The following TSPAN2 variants were observed in gnomAD, a reference collection of about 807,000 sequenced individuals.
TSPAN2 encodes tetraspanin 2, also known as tetraspanin-2.
TSPAN2 carries 24 observed loss-of-function variants against 33.3 expected under a neutral mutation model. The ratio of observed to expected loss-of-function variants is 0.72; its 90% CI spans 0.52 to 1.01. The LOEUF (loss-of-function observed/expected upper bound fraction) is 1.01, where lower values mean the gene tolerates loss of function less well. Among genes scored for constraint, TSPAN2 ranks in the 50% least tolerant of loss-of-function variants. TSPAN2 has a pLI of 0.00. For synonymous variants in TSPAN2, 114 were observed against 104.5 expected (o/e 1.09, Z -0.56); for missense variants, 278 against 281.3 (o/e 0.99, Z 0.08).
chr1:115,063,946 T>C (rs1647837024), intron 2 of TSPAN2, among the ~76,000 whole-genome samples: 1 of 152,086 alleles, frequency 6.6e-6, no homozygotes, highest in East Asian at 1.9e-4. Context: ...GGATACTATA[T>C]TCATTACCTC....
chr1:115,079,171 G>A (rs897510632), intron 1 of TSPAN2, among the ~76,000 whole-genome samples: 10 of 110,796 alleles, frequency 9.0e-5, no homozygotes, highest in Admixed American at 3.6e-4. Context: ...ACACACACGC[G>A]CATGCTGCAC....
chr1:115,052,343 G>T lies in TSPAN2; in HGVS notation c.600+1036C>A, dbSNP rs144768403. 3.8e-3 allele frequency among the ~76,000 whole-genome samples: 580 copies of T among 152,300 alleles called. 6 individuals carry two copies. The highest frequency in any genetic ancestry group is 0.013 in the African/African-American group (545 of 41,554). On this transcript the variant is annotated intron_variant, in intron 7 of 7. Coordinates refer to ENST00000369516, the MANE Select transcript of TSPAN2 (RefSeq NM_005725.6). ...CAGCCCTTGCCTTAGTTTAGGCCATGAATTAATCTACATAGAGGGCTAGAG... is the reference window on the plus strand; with the variant it reads ...CAGCCCTTGCCTTAGTTTAGGCCATTAATTAATCTACATAGAGGGCTAGAG...
intron 7 of TSPAN2, 41 bp from the exon 8 acceptor site, chr1:115,050,596 T>C (rs201564613): frequency 3.8e-6 from 6 of 1,561,318 alleles, no homozygotes. Flanking sequence ...TTGAAACGGG[T>C]ACTGATAGGT....
chr1:115,060,394 A>T, intron 4 of TSPAN2, 70 bp downstream of exon 4: 2 of 1,259,296 alleles, frequency 1.6e-6, no homozygotes, highest in South Asian at 2.6e-5. Context: ...GTTTCTTAAC[A>T]CTATTGTGGG....
chr1:115,071,415 G>A (rs1419078), intron 2 of TSPAN2, among the ~76,000 whole-genome samples: 56,911 of 152,052 alleles, frequency 0.37, 11,049 homozygotes, highest in South Asian at 0.55. Context: ...TCTTTTAAGG[G>A]GAGATGTCTA....
At chr1:115,051,683 T>G (rs1007517137) in intron 7 of TSPAN2, among the ~76,000 whole-genome samples, 1 of 152,190 alleles carries the variant, frequency 6.6e-6, no homozygotes, top group Non-Finnish European at 1.5e-5. Flanking sequence ...GACTAGGATC[T>G]GTAAGTGCTA....
intron 6 of TSPAN2, among the ~76,000 whole-genome samples, chr1:115,056,720 T>G (rs1030704902): frequency 6.6e-6 from 1 of 152,200 alleles, no homozygotes; most frequent in South Asian, 2.1e-4. Flanking sequence ...CTGGACCGTA[T>G]GGACTTCATG....
intron 2 of TSPAN2, among the ~76,000 whole-genome samples, chr1:115,066,658 T>C (rs981735330): frequency 2.0e-5 from 3 of 151,048 alleles, no homozygotes; most frequent in African/African-American, 7.3e-5. Context: ...GCAGATGGTT[T>C]TACATAATCT....
rs115846566 is a variant in TSPAN2, at chr1:115,063,547, C to T, written c.173-1315G>A. Among the ~76,000 whole-genome samples the T allele has an allele frequency of 6.5e-3, 997 of 152,292 alleles. 14 individuals are homozygous for T. The highest frequency in any genetic ancestry group is 0.022 in the African/African-American group (933 of 41,560). On this transcript the variant is annotated intron_variant, in intron 2 of 7. Coordinates refer to ENST00000369516, the MANE Select transcript of TSPAN2 (RefSeq NM_005725.6). ...AACTGAGTTGAACTACCACTCGACCCGGCAATCCCATTGCTGGGTAAATAC... is the reference window on the plus strand; with the variant it reads ...AACTGAGTTGAACTACCACTCGACCTGGCAATCCCATTGCTGGGTAAATAC...
At position 115,058,961 on chromosome 1, in the gene TSPAN2, G is replaced by A. The variant is rs891212069; in HGVS notation, c.366C>T (p.Thr122=). ...GKGVAIRHVQ[T]MYEEAYNDYL... The stretch of plus-strand genomic sequence containing the variant: ...AATCATTGTAAGCCTCTTCATACAT[G>A]GTCTGAACATGTCGGATAGCCTGAA... Residue 122 remains threonine, a synonymous_variant, in exon 5 of 8, where the codon ACC becomes ACT. Coordinates refer to ENST00000369516, the MANE Select transcript of TSPAN2 (RefSeq NM_005725.6). 1.9e-6 allele frequency: 3 copies of A among 1,613,650 alleles called. No individual in the cohort carries two copies. The African/African-American group carries it at 4.0e-5, about 22-fold the overall frequency.
In TSPAN2 at chr1:115,072,941, A is replaced by G. The variant is rs199774469; in HGVS notation, c.136T>C (p.Ser46Pro). The G allele has an allele frequency of 1.4e-5, 23 of 1,614,084 alleles. No homozygotes were observed. The highest frequency in any genetic ancestry group is 1.7e-5 in the Non-Finnish European group (20 of 1,180,034). The change falls in exon 2 of 8, where the codon TCA becomes CCA. Residue 46 changes from serine (S) to proline (P), a missense_variant. Physicochemically the swap from Ser to Pro is moderately conservative, Grantham distance 74. Coordinates refer to ENST00000369516, the MANE Select transcript of TSPAN2 (RefSeq NM_005725.6). The stretch of plus-strand genomic sequence containing the variant: ...TACTCTGGGGACTTGTCCTCTGATG[A>G]TAACTCCTTTATGGCACCTCCGAAC... ...FRFGGAIKEL[S>P]SEDKSPEYFY...
chr1:115,079,951 T>C (rs1031162818), intron 1 of TSPAN2, among the ~76,000 whole-genome samples: 1 of 152,230 alleles, frequency 6.6e-6, no homozygotes, highest in Non-Finnish European at 1.5e-5. Context: ...GAGTGTTCCA[T>C]TCATCTCTGC....
At chr1:115,078,467 G>A (rs1404151206) in intron 1 of TSPAN2, among the ~76,000 whole-genome samples, 2 of 152,174 alleles carry the variant, frequency 1.3e-5, no homozygotes, top group African/African-American at 4.8e-5. Context: ...CTAATTCCCA[G>A]TGTGAGGATA....
At chr1:115,060,093 C>T (rs1414904750) in intron 4 of TSPAN2, among the ~76,000 whole-genome samples, 1 of 152,166 alleles carries the variant, frequency 6.6e-6, no homozygotes, top group African/African-American at 2.4e-5. Context: ...CAGGCCAATC[C>T]TTAAGGACAA....
At chr1:115,070,155 G>A (rs186086917) in intron 2 of TSPAN2, among the ~76,000 whole-genome samples, 1 of 152,154 alleles carries the variant, frequency 6.6e-6, no homozygotes, top group African/African-American at 2.4e-5. Flanking sequence ...CTGTAACTCA[G>A]GTTTCCATCA....
At chr1:115,088,212 C>T (rs188634251) in intron 1 of TSPAN2, among the ~76,000 whole-genome samples, 1 of 152,294 alleles carries the variant, frequency 6.6e-6, no homozygotes, top group East Asian at 1.9e-4. Flanking sequence ...GTCACCCAGG[C>T]ATCTGGGCTA....
intron 3 of TSPAN2, 104 bp downstream of exon 3, chr1:115,062,031 A>G: frequency 1.1e-6 from 1 of 919,092 alleles, no homozygotes; most frequent in South Asian, 1.6e-5. Flanking sequence ...GGGCTCAGAG[A>G]GTCCACGGAG....
chr1:115,076,927 C>CT lies in TSPAN2; in HGVS notation c.70-3921dup, dbSNP rs564428993. Among the ~76,000 whole-genome samples, 607 of 144,322 alleles carry CT rather than the reference C, an allele frequency of 4.2e-3. 2 individuals carry two copies. The highest frequency in any genetic ancestry group is 5.2e-3 in the Non-Finnish European group (337 of 65,408). The allele number at this position is 144,322 out of a possible 152,430, so 94.7% of individuals were successfully genotyped here. On this transcript the variant is annotated intron_variant, in intron 1 of 7. Coordinates refer to ENST00000369516, the MANE Select transcript of TSPAN2 (RefSeq NM_005725.6). The stretch of plus-strand genomic sequence containing the variant: ...GCACCATTTTTTGAGTCCTCCCTCC[C>CT]TTTTTTTTTTTTTGACAAGGTCTCA...
rs746210159 is a variant in TSPAN2, at chr1:115,062,258, C to T, written c.173-26G>A. 93 of 1,555,440 alleles carry T rather than the reference C, an allele frequency of 6.0e-5. 2 individuals carry two copies. The South Asian group carries it at 1.0e-3, about 17-fold the overall frequency. On this transcript the variant is annotated intron_variant, in intron 2 of 7. Transcript: ENST00000369516. Reference sequence around the variant, plus strand: ...CTGTGGGGAAGAGGTCAGAGGAGACCACTGAGAGCCAACCGAGTGCCTCCA... The same window carrying T: ...CTGTGGGGAAGAGGTCAGAGGAGACTACTGAGAGCCAACCGAGTGCCTCCA...
Sources: allele counts gnomAD v4.1 joint callset (sites outside exome capture counted in the v4.1 genomes callset), GRCh38; gene constraint gnomAD v4.1.1; transcripts MANE v1.5; gene names NCBI Gene and HGNC (gene_info 2026-07-23, HGNC 2026-07-21).